Variants in SLC30A9 observed in about 807,000 individuals in gnomAD.
SLC30A9 encodes the protein proton-coupled zinc antiporter SLC30A9, mitochondrial.
A neutral mutation model predicts 87.5 loss-of-function variants in SLC30A9; 58 were observed. The observed-to-expected ratio is 0.66, with a 90% CI of 0.54 to 0.82. The LOEUF is 0.82. Ranked by LOEUF, SLC30A9 falls within the 40% of genes least tolerant of loss-of-function variation. The probability of loss-of-function intolerance (pLI) is 0.00; values close to 1 mark genes in which losing one functional copy is unlikely to be tolerated. For missense variants in SLC30A9, 557 were observed against 679.1 expected, an observed-to-expected ratio of 0.82 and a Z score of 2.00; for synonymous variants, 234 against 233.0, an observed-to-expected ratio of 1.00 and a Z score of -0.04.
At position 42,029,277 on chromosome 4, in the gene SLC30A9, G is replaced by T. The variant is rs1235670132; in HGVS notation, c.610+5893G>T. 6.3e-6 allele frequency: 3 copies of T among 478,976 alleles called. No homozygotes were observed. In the East Asian group the frequency reaches 1.6e-4, roughly 25 times the overall value. The allele number at this position is 478,976 out of a possible 1,614,324, so 29.7% of individuals were successfully genotyped here. Reference sequence around the variant, plus strand: ...TCTTCTGGAACTCAGAGAAGAAGGAGTTTTTAGGCAGGACTGGTGGCAGTT... The same window carrying T: ...TCTTCTGGAACTCAGAGAAGAAGGATTTTTTAGGCAGGACTGGTGGCAGTT... On this transcript the variant is annotated intron_variant, in intron 6 of 17. Transcript: ENST00000264451.
At chr4:42,019,042 A>G (rs1715833229) in intron 3 of SLC30A9, among the ~76,000 whole-genome samples, 1 of 151,674 alleles carries the variant, frequency 6.6e-6, no homozygotes, top group Non-Finnish European at 1.5e-5. Context: ...TGATTTTTTA[A>G]TTGAACTTTA....
At chr4:42,003,923 A>C (rs1485762818) in intron 2 of SLC30A9, among the ~76,000 whole-genome samples, 2 of 152,112 alleles carry the variant, frequency 1.3e-5, no homozygotes, top group East Asian at 3.9e-4. Context: ...AATTCTGATC[A>C]CCGCCTCCAA....
chr4:42,057,870 G>T (rs897919067), intron 9 of SLC30A9, among the ~76,000 whole-genome samples: 2 of 152,142 alleles, frequency 1.3e-5, no homozygotes, highest in Non-Finnish European at 2.9e-5. Context: ...TTGGGAGGCT[G>T]AGGCGGGCGG....
intron 12 of SLC30A9, among the ~76,000 whole-genome samples, chr4:42,065,919 TA>T (rs1319249168): frequency 6.6e-6 from 1 of 152,162 alleles, no homozygotes; most frequent in Non-Finnish European, 1.5e-5. Context: ...AAATGGAGTA[TA>T]AAAAACATAA....
At position 42,090,316 on chromosome 4, in the gene SLC30A9, C is replaced by T. The variant is rs2153142166; in HGVS notation, c.*4190C>T. On this transcript the variant is annotated 3_prime_UTR_variant, in exon 18 of 18. Transcript: ENST00000264451. ...ATTTGCATGTAAGTTTACTTGCATC[C>T]TTAGACTTGGCTTTATGCAAAAAGA... 1 of 152,270 alleles carries T rather than the reference C, an allele frequency of 6.6e-6. No individual in the cohort carries two copies. Among genetic ancestry groups the T allele is most frequent in the African/African-American group, 2.4e-5 (1 of 41,558 alleles). The allele number at this position is 152,270 out of a possible 1,614,324, so 9.4% of individuals were successfully genotyped here. A position where few individuals can be genotyped will look rare whatever the true frequency, so the allele number is the denominator to read the frequency against.
At chr4:42,052,083 A>G (rs1444832988) in intron 9 of SLC30A9, among the ~76,000 whole-genome samples, 1 of 151,922 alleles carries the variant, frequency 6.6e-6, no homozygotes, top group Non-Finnish European at 1.5e-5. Context: ...CAGTAAGTAT[A>G]GAAGGTTAAT....
chr4:41,996,616 G>A (rs1714722812), intron 1 of SLC30A9, among the ~76,000 whole-genome samples: 1 of 152,106 alleles, frequency 6.6e-6, no homozygotes, highest in African/African-American at 2.4e-5. Flanking sequence ...GGTGGCACAC[G>A]CCTGCGGTCC....
At chr4:42,056,524 C>G (rs1282333970) in intron 9 of SLC30A9, among the ~76,000 whole-genome samples, 1 of 152,118 alleles carries the variant, frequency 6.6e-6, no homozygotes, top group Admixed American at 6.5e-5. Context: ...AGACTTGCCT[C>G]CATGATTCAG....
chr4:42,029,709 AC>A, intron 6 of SLC30A9: 2 of 743,746 alleles, frequency 2.7e-6, no homozygotes, highest in East Asian at 4.9e-5. Flanking sequence ...AAATGACAAA[AC>A]TTACAGCTAC....
chr4:42,060,084 T>G lies in SLC30A9; in HGVS notation c.841-107T>G, dbSNP rs1325150123. 3.7e-6 allele frequency: 3 copies of G among 809,850 alleles called. No homozygotes were observed. The East Asian group carries it at 7.4e-5, about 20-fold the overall frequency. The allele number at this position is 809,850 out of a possible 1,614,324, so 50.2% of individuals were successfully genotyped here. A position where few individuals can be genotyped will look rare whatever the true frequency, so the allele number is the denominator to read the frequency against. ...GCTGGGTCATTGGACATGCATATGTTGAGTGTTTCTTTGTCATTGTTAGCC... is the reference window on the plus strand; with the variant it reads ...GCTGGGTCATTGGACATGCATATGTGGAGTGTTTCTTTGTCATTGTTAGCC... On this transcript the variant is annotated intron_variant, in intron 9 of 17. Transcript: ENST00000264451.
At chr4:42,052,225 C>T (rs1050549623) in intron 9 of SLC30A9, among the ~76,000 whole-genome samples, 4 of 151,962 alleles carry the variant, frequency 2.6e-5, no homozygotes, top group South Asian at 4.2e-4. Context: ...AAGACCTTTA[C>T]GCTGAAAATC....
chr4:42,083,961 C>T (rs1311711253), intron 17 of SLC30A9, among the ~76,000 whole-genome samples: 1 of 152,152 alleles, frequency 6.6e-6, no homozygotes, highest in Non-Finnish European at 1.5e-5. Context: ...TCCCTGTGTG[C>T]ACTCAGTAGA....
intron 7 of SLC30A9, among the ~76,000 whole-genome samples, chr4:42,038,702 T>C (rs1252877290): frequency 6.6e-6 from 1 of 152,214 alleles, no homozygotes; most frequent in Non-Finnish European, 1.5e-5. Flanking sequence ...AGTGCATTTT[T>C]CTACTTTATT....
chr4:42,033,177 T>A (rs55835604), intron 6 of SLC30A9, among the ~76,000 whole-genome samples: 98,332 of 152,000 alleles, frequency 0.65, 35,994 homozygotes, highest in East Asian at 0.96. Context: ...AATAATTTTG[T>A]TTTTATTTTA....
At chr4:42,066,711 TG>T in intron 13 of SLC30A9, 90 bp downstream of exon 13, 1 of 789,268 alleles carries the variant, frequency 1.3e-6, no homozygotes, top group South Asian at 1.7e-5. Context: ...CTAATAGAAA[TG>T]TACAAAATAT....
intron 8 of SLC30A9, among the ~76,000 whole-genome samples, chr4:42,048,603 G>A (rs921455766): frequency 6.6e-6 from 1 of 151,742 alleles, no homozygotes; most frequent in Non-Finnish European, 1.5e-5. Context: ...TGTTTATTTT[G>A]GCATCTAGCT....
chr4:42,010,455 C>T (rs866897394), intron 2 of SLC30A9, among the ~76,000 whole-genome samples: 32 of 151,850 alleles, frequency 2.1e-4, no homozygotes, highest in African/African-American at 6.8e-4. Context: ...CCAGCCTGGG[C>T]GACACAGCAA....
intron 15 of SLC30A9, among the ~76,000 whole-genome samples, chr4:42,071,609 A>G (rs1294738460): frequency 2.0e-5 from 3 of 151,826 alleles, no homozygotes; most frequent in Non-Finnish European, 4.4e-5. Context: ...GCTAGTGTGC[A>G]ATGATCATGT....
intron 6 of SLC30A9, among the ~76,000 whole-genome samples, chr4:42,033,408 G>A (rs1253634701): frequency 6.6e-6 from 1 of 151,966 alleles, no homozygotes; most frequent in African/African-American, 2.4e-5. Context: ...GGAGGCTGAG[G>A]TGGGAGGATC....
Sources: allele counts gnomAD v4.1 joint callset (sites outside exome capture counted in the v4.1 genomes callset), GRCh38; gene constraint gnomAD v4.1.1; transcripts MANE v1.5; gene names NCBI Gene and HGNC (gene_info 2026-07-23, HGNC 2026-07-21).